KCTD16: variants seen among roughly 807,000 people sequenced by gnomAD.
KCTD16 encodes BTB/POZ domain-containing protein KCTD16.
KCTD16 carries 13 observed loss-of-function variants against 33.2 expected under a neutral mutation model. That is an observed-to-expected ratio of 0.39 (90% confidence interval 0.25 to 0.62). The LOEUF (loss-of-function observed/expected upper bound fraction) is 0.62. Among genes scored for constraint, KCTD16 ranks in the 20% least tolerant of loss-of-function variants. The pLI is 0.50. For synonymous variants in KCTD16, 197 were observed against 195.3 expected, an observed-to-expected ratio of 1.01 and a Z score of -0.07; for missense variants, 441 against 525.1, an observed-to-expected ratio of 0.84 and a Z score of 1.57.
At chr5:144,234,488 C>A (rs920650558) in intron 3 of KCTD16, among the ~76,000 whole-genome samples, 3 of 152,054 alleles carry the variant, frequency 2.0e-5, no homozygotes, top group Non-Finnish European at 4.4e-5. Flanking sequence ...AATTTGTAAG[C>A]AATTTCACTC....
intron 3 of KCTD16, among the ~76,000 whole-genome samples, chr5:144,467,051 AACACTATATGTAT>A: frequency 1.7e-5 from 1 of 59,598 alleles, no homozygotes; most frequent in African/African-American, 5.0e-5. Flanking sequence ...TAATATATAT[AACACTATATGTAT>A]TATATATAAT....
chr5:144,244,678 A>G (rs1226178258), intron 3 of KCTD16, among the ~76,000 whole-genome samples: 2 of 152,202 alleles, frequency 1.3e-5, no homozygotes, highest in Non-Finnish European at 2.9e-5. Flanking sequence ...CTCTATTTTT[A>G]GATATCTTTC....
chr5:144,362,394 C>T (rs1422073925), intron 3 of KCTD16, among the ~76,000 whole-genome samples: 2 of 152,152 alleles, frequency 1.3e-5, no homozygotes, highest in Non-Finnish European at 2.9e-5. Flanking sequence ...AGATCCTCCT[C>T]TAGATATAAA....
intron 3 of KCTD16, among the ~76,000 whole-genome samples, chr5:144,325,695 T>A (rs1352350378): frequency 6.6e-6 from 1 of 152,134 alleles, no homozygotes; most frequent in Non-Finnish European, 1.5e-5. Flanking sequence ...TGGCAGTACA[T>A]CCTGAAGAGG....
chr5:144,223,944 T>A (rs1360986249), intron 3 of KCTD16, among the ~76,000 whole-genome samples: 9 of 151,750 alleles, frequency 5.9e-5, no homozygotes, highest in Non-Finnish European at 1.3e-4. Flanking sequence ...TCAGCGTAGG[T>A]GTTTTTTTTT....
intron 3 of KCTD16, among the ~76,000 whole-genome samples, chr5:144,339,316 A>T (rs1415785093): frequency 1.3e-5 from 2 of 152,186 alleles, no homozygotes; most frequent in African/African-American, 4.8e-5. Flanking sequence ...CTGTCTCCAA[A>T]ATCACTACTC....
At chr5:144,415,225 G>T (rs1181486807) in intron 3 of KCTD16, among the ~76,000 whole-genome samples, 1 of 152,172 alleles carries the variant, frequency 6.6e-6, no homozygotes, top group Admixed American at 6.5e-5. Flanking sequence ...TGTAATAAAG[G>T]CATTAATCCA....
chr5:144,236,844 C>T lies in KCTD16; in HGVS notation c.832+29298C>T, dbSNP rs142999939. ...AACTTAAACTTGTGGGCCTTAGTTT[C>T]GTTATTTGTAAAGTGAGGGCTTTGG... is the stretch of plus-strand genomic sequence containing the variant. On this transcript the variant is annotated intron_variant, in intron 3 of 3. Transcript: ENST00000512467. 2.1e-4 allele frequency among the ~76,000 whole-genome samples: 32 copies of T among 152,084 alleles called. No homozygotes were observed. In the East Asian group the frequency reaches 4.6e-3, roughly 22 times the overall value.
intron 2 of KCTD16, among the ~76,000 whole-genome samples, chr5:144,174,868 T>C (rs896009764): frequency 6.6e-6 from 1 of 152,214 alleles, no homozygotes; most frequent in African/African-American, 2.4e-5. Context: ...ATTTTCATTG[T>C]AGAGATCAAA....
intron 3 of KCTD16, among the ~76,000 whole-genome samples, chr5:144,293,067 CT>C (rs1323443620): frequency 6.6e-6 from 1 of 152,182 alleles, no homozygotes; most frequent in African/African-American, 2.4e-5. Context: ...GGTAATTTAT[CT>C]TTACTGAACT....
At chr5:144,216,987 G>A (rs947879543) in intron 3 of KCTD16, among the ~76,000 whole-genome samples, 6 of 152,102 alleles carry the variant, frequency 3.9e-5, no homozygotes, top group African/African-American at 1.2e-4. Flanking sequence ...TTTTGTAAAG[G>A]GGACTCTGGA....
chr5:144,445,860 C>G (rs926309851), intron 3 of KCTD16, among the ~76,000 whole-genome samples: 1 of 151,782 alleles, frequency 6.6e-6, no homozygotes, highest in African/African-American at 2.4e-5. Flanking sequence ...GTATTGAGGA[C>G]TTATGGGGGC....
intron 3 of KCTD16, among the ~76,000 whole-genome samples, chr5:144,449,564 A>G (rs753661117): frequency 4.6e-5 from 7 of 152,018 alleles, no homozygotes; most frequent in Non-Finnish European, 1.0e-4. Flanking sequence ...ATAAATAAAT[A>G]AAAAACTTTA....
intron 3 of KCTD16, among the ~76,000 whole-genome samples, chr5:144,214,606 G>T (rs1753503490): frequency 6.6e-6 from 1 of 152,048 alleles, no homozygotes; most frequent in Non-Finnish European, 1.5e-5. Flanking sequence ...TTGTGTACTT[G>T]CATGTTCATT....
chr5:144,323,805 G>A (rs940657771), intron 3 of KCTD16, among the ~76,000 whole-genome samples: 1 of 152,144 alleles, frequency 6.6e-6, no homozygotes. Context: ...TAAAAAGCAT[G>A]GACTTGGGCA....
chr5:144,288,731 A>G (rs1342660167), intron 3 of KCTD16, among the ~76,000 whole-genome samples: 1 of 152,188 alleles, frequency 6.6e-6, no homozygotes, highest in Non-Finnish European at 1.5e-5. Context: ...GCACTTAGGA[A>G]GGCTGAGGCA....
chr5:144,315,592 T>C lies in KCTD16; in HGVS notation c.832+108046T>C, dbSNP rs141678980. 6.6e-5 allele frequency among the ~76,000 whole-genome samples: 10 copies of C among 152,322 alleles called. No homozygotes were observed. The East Asian group carries it at 1.5e-3, about 24-fold the overall frequency. On this transcript the variant is annotated intron_variant, in intron 3 of 3. Coordinates refer to ENST00000512467, the MANE Select transcript of KCTD16 (RefSeq NM_020768.4). Reference sequence around the variant, plus strand: ...AGTGTTATGTGCCAAGCAAAGCTTTTCATATGCATTAGCATATATATTTCT... The same window carrying C: ...AGTGTTATGTGCCAAGCAAAGCTTTCCATATGCATTAGCATATATATTTCT...
intron 3 of KCTD16, among the ~76,000 whole-genome samples, chr5:144,449,639 A>G (rs1426634630): frequency 6.6e-6 from 1 of 152,046 alleles, no homozygotes; most frequent in Non-Finnish European, 1.5e-5. Context: ...TTGCATAAAG[A>G]TGGATCTGTA....
intron 3 of KCTD16, among the ~76,000 whole-genome samples, chr5:144,216,011 G>A (rs530733565): frequency 3.9e-5 from 6 of 152,238 alleles, no homozygotes; most frequent in African/African-American, 1.2e-4. Flanking sequence ...ATTAATAGAT[G>A]GTTTCCTCCC....
Sources: allele counts gnomAD v4.1 joint callset (sites outside exome capture counted in the v4.1 genomes callset), GRCh38; gene constraint gnomAD v4.1.1; transcripts MANE v1.5; gene names NCBI Gene and HGNC (gene_info 2026-07-23, HGNC 2026-07-21).